CDS1: variants seen among roughly 807,000 people sequenced by gnomAD.
CDS1 encodes the protein CDP-diacylglycerol synthase 1.
A neutral mutation model predicts 62.1 loss-of-function variants in CDS1; 41 were observed. That is an observed-to-expected ratio of 0.66 (90% confidence interval 0.51 to 0.86). The LOEUF (loss-of-function observed/expected upper bound fraction) is 0.86. Among genes scored for constraint, CDS1 ranks in the 40% least tolerant of loss-of-function variants. CDS1 has a pLI of 0.00. For synonymous variants in CDS1, 185 were observed against 192.6 expected, an observed-to-expected ratio of 0.96 and a Z score of 0.32; for missense variants, 470 against 550.1, an observed-to-expected ratio of 0.85 and a Z score of 1.46.
chr4:84,648,896 T>A lies in CDS1; in HGVS notation c.*210T>A. 2 of 455,254 alleles carry A rather than the reference T, an allele frequency of 4.4e-6. No individual in the cohort carries two copies. The highest frequency in any genetic ancestry group is 7.7e-6 in the Non-Finnish European group (2 of 260,724). 28.2% of individuals were successfully genotyped at this position (455,254 alleles called of 1,614,324 possible). On this transcript the variant is annotated 3_prime_UTR_variant, in exon 13 of 13. Coordinates refer to ENST00000295887, the MANE Select transcript of CDS1 (RefSeq NM_001263.4). ...AGCAAATTGCCAGCAAAATGTCTTG[T>A]ACCTTTTCTAAAGTGTATTTTCTGA... is the stretch of plus-strand genomic sequence containing the variant.
rs1174724814 is a variant in CDS1, at chr4:84,648,965, A to G, written c.*279A>G. ...TACTTGCTAGGTTTCATAATTTAAA[A>G]GACTGGTATTTAAAAGAGTCAAACA... On this transcript the variant is annotated 3_prime_UTR_variant, in exon 13 of 13. Coordinates refer to ENST00000295887, the MANE Select transcript of CDS1 (RefSeq NM_001263.4). 9 of 254,160 alleles carry G rather than the reference A, an allele frequency of 3.5e-5. No homozygotes were observed. Among genetic ancestry groups the G allele is most frequent in the Non-Finnish European group, 6.7e-5 (9 of 134,568 alleles). 15.7% of individuals were successfully genotyped at this position (254,160 alleles called of 1,614,324 possible).
chr4:84,604,415 C>G (rs1723030502), intron 2 of CDS1, 45 bp downstream of exon 2: 1 of 1,584,466 alleles, frequency 6.3e-7, no homozygotes, highest in Non-Finnish European at 8.6e-7. Flanking sequence ...ACAAGATAGG[C>G]TTTGAGGTTA....
rs550609810 is a variant in CDS1 at position 84,592,885 on chromosome 4, G to A, written c.117+9367G>A. On this transcript the variant is annotated intron_variant, in intron 1 of 12. Coordinates refer to ENST00000295887, the MANE Select transcript of CDS1 (RefSeq NM_001263.4). ...CACCTGGGTGACCCAGGTGGGATCA[G>A]ACATCTTGACAGTTAAGTTGTGGCT... is the stretch of plus-strand genomic sequence containing the variant. Among the ~76,000 whole-genome samples, 24 of 152,276 alleles carry A rather than the reference G, an allele frequency of 1.6e-4. No individual in the cohort carries two copies. In the South Asian group the frequency reaches 2.7e-3, roughly 17 times the overall value.
At chr4:84,618,585 G>A (rs1164744104) in intron 4 of CDS1, among the ~76,000 whole-genome samples, 1 of 152,212 alleles carries the variant, frequency 6.6e-6, no homozygotes, top group African/African-American at 2.4e-5. Context: ...GCACCCATCA[G>A]TTTCTAGATG....
chr4:84,599,945 A>T (rs1044206480), intron 1 of CDS1, among the ~76,000 whole-genome samples: 11 of 152,232 alleles, frequency 7.2e-5, no homozygotes, highest in African/African-American at 9.6e-5. Context: ...TGTAATTTTT[A>T]AAAAAACTGT....
intron 11 of CDS1, 30 bp from the exon 12 acceptor site, chr4:84,645,187 TGAAAA>T (rs1463112824): frequency 7.1e-7 from 1 of 1,416,840 alleles, no homozygotes; most frequent in African/African-American, 1.4e-5. Flanking sequence ...GGTGATTTTT[TGAAAA>T]TTTGCTAATA....
chr4:84,620,219 G>GTTTTTTTTTTTTTTTTTTTT (rs1209622035), intron 5 of CDS1, among the ~76,000 whole-genome samples: 1 of 110,292 alleles, frequency 9.1e-6, no homozygotes, highest in African/African-American at 4.3e-5. Flanking sequence ...GTAATTAGTT[G>GTTTTTTTTTTTTTTTTTTTT]TTTTTTTTTT....
At chr4:84,593,497 G>T (rs1187990586) in intron 1 of CDS1, among the ~76,000 whole-genome samples, 1 of 128,800 alleles carries the variant, frequency 7.8e-6, no homozygotes. Flanking sequence ...CAGTTACAAG[G>T]TTTTTTTTGT....
chr4:84,619,623 G>T (rs961849659), intron 5 of CDS1, 90 bp downstream of exon 5: 37 of 784,468 alleles, frequency 4.7e-5, no homozygotes, highest in Non-Finnish European at 2.4e-5. Flanking sequence ...TAATTTTTTG[G>T]TTAAATTTTA....
rs1271503140 is a variant in CDS1, at chr4:84,635,332, G to A, written c.791G>A (p.Gly264Glu). Residue 264 changes from glycine (G) to glutamate (E), a missense_variant, in exon 8 of 13, where the codon GGG becomes GAG. Gly to Glu is a moderately conservative substitution (Grantham distance 98). Transcript: ENST00000295887. Reference sequence around the variant, plus strand: ...GCTTACCTTTTTGGATTTTTTTTTGGGAGAACTCCATTAATTAAGGTAATG... The same window carrying A: ...GCTTACCTTTTTGGATTTTTTTTTGAGAGAACTCCATTAATTAAGGTAATG... The part of the protein sequence containing the change: ...ITAYLFGFFF[G>E]RTPLIKLSPK... 2.6e-6 allele frequency: 4 copies of A among 1,551,922 alleles called. No individual in the cohort carries two copies. The highest frequency in any genetic ancestry group is 3.5e-6 in the Non-Finnish European group (4 of 1,130,282).
intron 1 of CDS1, among the ~76,000 whole-genome samples, chr4:84,587,239 G>GGT (rs2110030745): frequency 6.6e-6 from 1 of 152,006 alleles, no homozygotes; most frequent in African/African-American, 2.4e-5. Flanking sequence ...TATATAATTT[G>GGT]GTATATATAC....
chr4:84,589,827 T>G (rs1471883009), intron 1 of CDS1, among the ~76,000 whole-genome samples: 1 of 152,156 alleles, frequency 6.6e-6, no homozygotes, highest in Non-Finnish European at 1.5e-5. Context: ...TTGTTTTGTT[T>G]TGAGACGGAG....
At chr4:84,633,816 A>G in intron 6 of CDS1, 41 bp from the exon 7 acceptor site, 7 of 1,343,068 alleles carry the variant, frequency 5.2e-6, no homozygotes, top group Non-Finnish European at 5.2e-6. Flanking sequence ...TGCACTGATC[A>G]GTTGTGTTCA....
At chr4:84,588,422 G>A (rs1227727651) in intron 1 of CDS1, among the ~76,000 whole-genome samples, 2 of 152,218 alleles carry the variant, frequency 1.3e-5, no homozygotes, top group Non-Finnish European at 2.9e-5. Context: ...TTGCTGCCCA[G>A]ATAGAACTGG....
rs1272493346 is a variant in CDS1, at chr4:84,626,399, A to G, written c.581-5420A>G. 4.6e-5 allele frequency among the ~76,000 whole-genome samples: 7 copies of G among 152,208 alleles called. 1 individual carries two copies. The highest frequency in any genetic ancestry group is 2.0e-4 in the Admixed American group (3 of 15,288). On this transcript the variant is annotated intron_variant, in intron 5 of 12. Coordinates refer to ENST00000295887, the MANE Select transcript of CDS1 (RefSeq NM_001263.4). Reference sequence around the variant, plus strand: ...TTATCACCAATGATAGTATTTTGCAAAATTATAGTACATCACACCAGGATA... The same window carrying G: ...TTATCACCAATGATAGTATTTTGCAGAATTATAGTACATCACACCAGGATA...
intron 5 of CDS1, among the ~76,000 whole-genome samples, chr4:84,624,699 G>A (rs1723802587): frequency 1.3e-5 from 2 of 152,104 alleles, no homozygotes; most frequent in South Asian, 4.1e-4. Flanking sequence ...TTATGCTTGA[G>A]AATAACATCT....
rs1183955236 is a variant in CDS1, at chr4:84,640,905, CCTT to C, written c.949_951del (p.Phe317del). On this transcript the variant is annotated inframe_deletion, in exon 10 of 13. Transcript: ENST00000295887. ...GTGGAATACCGAAGTGATGTAAACT[CCTT>C]CGTGACAGAATGTGAGCCCTCAGAA... is the stretch of plus-strand genomic sequence containing the variant. The C allele has an allele frequency of 2.5e-6, 4 of 1,611,712 alleles. No homozygotes were observed. Among genetic ancestry groups the C allele is most frequent in the Non-Finnish European group, 2.5e-6 (3 of 1,179,036 alleles).
intron 5 of CDS1, among the ~76,000 whole-genome samples, chr4:84,631,564 T>G (rs1476685293): frequency 6.6e-6 from 1 of 152,204 alleles, no homozygotes; most frequent in Non-Finnish European, 1.5e-5. Flanking sequence ...GGGGACTAAT[T>G]AATTGAATTA....
chr4:84,631,769 C>A, intron 5 of CDS1, 50 bp from the exon 6 acceptor site: 1 of 1,489,438 alleles, frequency 6.7e-7, no homozygotes, highest in Non-Finnish European at 9.4e-7. Context: ...GGAATCTTAA[C>A]CCTTTGTACC....
Sources: gnomAD v4.1 joint callset for allele counts (sites outside exome capture counted in the v4.1 genomes callset) on GRCh38, gnomAD v4.1.1 for gene constraint, MANE v1.5 for transcripts, NCBI Gene and HGNC (gene_info 2026-07-23, HGNC 2026-07-21) for gene names.